Variants in ECE1 observed in about 807,000 individuals in gnomAD.
The protein encoded by ECE1 is endothelin-converting enzyme 1.
In ECE1, 35 loss-of-function variants were observed where a neutral mutation model predicts 98.6. The ratio of observed to expected loss-of-function variants is 0.35; its 90% CI spans 0.27 to 0.47. The LOEUF (loss-of-function observed/expected upper bound fraction) is 0.47, where lower values mean the gene tolerates loss of function less well. Among genes scored for constraint, ECE1 ranks in the 20% least tolerant of loss-of-function variants. The pLI is 1.00. For synonymous variants in ECE1, 394 were observed against 407.1 expected (o/e 0.97, Z 0.39); for missense variants, 814 against 1,025.3 (o/e 0.79, Z 2.81).
chr1:21,317,930 C>T (rs1638867365), intron 1 of ECE1, among the ~76,000 whole-genome samples: 1 of 152,170 alleles, frequency 6.6e-6, no homozygotes, highest in Non-Finnish European at 1.5e-5. Context: ...GGGGTGTGAC[C>T]CCAATGTTCT....
chr1:21,238,955 C>A (rs996569160), intron 10 of ECE1, among the ~76,000 whole-genome samples: 4 of 151,982 alleles, frequency 2.6e-5, no homozygotes, highest in African/African-American at 9.7e-5. Context: ...GCTGGGACAA[C>A]AGGTGCAGGC....
chr1:21,263,779 A>G (rs868369169), intron 4 of ECE1, among the ~76,000 whole-genome samples: 1 of 151,940 alleles, frequency 6.6e-6, no homozygotes, highest in African/African-American at 2.4e-5. Context: ...CCCACTGCCA[A>G]TGCTGGCTGG....
Position 21,218,135 on chromosome 1 carries a change from G to C in ECE1, c.*1820C>G, listed in dbSNP as rs1284544445. The C allele has an allele frequency of 6.6e-6, 1 of 152,342 alleles. No individual in the cohort carries two copies. The highest frequency in any genetic ancestry group is 2.4e-5 in the African/African-American group (1 of 41,464). 9.4% of individuals were successfully genotyped at this position (152,342 alleles called of 1,614,324 possible). The stretch of plus-strand genomic sequence containing the variant: ...GGAGAAGCTGTGGTCTCAGGGAGGA[G>C]ACAGACACCACAGGCCAGACTGGGT... On this transcript the variant is annotated 3_prime_UTR_variant, in exon 19 of 19. Transcript: ENST00000374893. The surrounding 1 kb of genome is among the most constrained non-coding windows in gnomAD (Gnocchi z 4.0).
At chr1:21,232,346 T>TG (rs1384321473) in intron 14 of ECE1, among the ~76,000 whole-genome samples, 8 of 152,092 alleles carry the variant, frequency 5.3e-5, no homozygotes, top group African/African-American at 1.9e-4. Flanking sequence ...TTGCCCAGGC[T>TG]GGAGTACAGT....
chr1:21,340,441 A>T lies in ECE1; in HGVS notation c.3+4935T>A, dbSNP rs1639377746. 6.6e-6 allele frequency among the ~76,000 whole-genome samples: 1 copy of T among 152,214 alleles called. No homozygotes were observed. The highest frequency in any genetic ancestry group is 2.4e-5 in the African/African-American group (1 of 41,452). ...CCAGGGCCACTTCAGGTGCCTCCTC[A>T]CTGGTTTCCCAGCCTTCGGCCTCAC... On this transcript the variant is annotated intron_variant, in intron 1 of 18. Coordinates refer to the ECE1 transcript ENST00000415912. The surrounding 1 kb of genome is among the most constrained non-coding windows in gnomAD (Gnocchi z 4.6).
At chr1:21,232,147 C>T (rs1302740171) in intron 14 of ECE1, among the ~76,000 whole-genome samples, 3 of 152,096 alleles carry the variant, frequency 2.0e-5, no homozygotes, top group Non-Finnish European at 2.9e-5. Context: ...CCCTATAGTC[C>T]ACCAGGGGGC....
intron 1 of ECE1, among the ~76,000 whole-genome samples, chr1:21,338,093 T>C (rs772482694): frequency 1.8e-4 from 28 of 152,178 alleles, no homozygotes; most frequent in Admixed American, 4.6e-4. Flanking sequence ...CATGGCCACA[T>C]AGCTCTGAGG....
intron 3 of ECE1, among the ~76,000 whole-genome samples, chr1:21,278,565 C>A (rs573332200): frequency 1.3e-5 from 2 of 152,236 alleles, no homozygotes; most frequent in African/African-American, 4.8e-5. Context: ...GCAAGTCACT[C>A]TATCTCAGTG....
chr1:21,310,573 A>C, intron 1 of ECE1, among the ~76,000 whole-genome samples: 1 of 152,138 alleles, frequency 6.6e-6, no homozygotes. Flanking sequence ...AAGAAAGGCA[A>C]AACAACCTGT....
Position 21,301,827 on chromosome 1 carries a change from GAAAAAAAAAAAA to G in ECE1, c.4-11683_4-11672del, listed in dbSNP as rs34861827. Among the ~76,000 whole-genome samples the G allele has an allele frequency of 1.6e-3, 54 of 33,944 alleles. 2 individuals are homozygous for G. Among genetic ancestry groups the G allele is most frequent in the African/African-American group, 4.6e-3 (45 of 9,852 alleles). The allele number at this position is 33,944 out of a possible 152,430, so 22.3% of individuals were successfully genotyped here. On this transcript the variant is annotated intron_variant, in intron 1 of 18. Coordinates refer to the ECE1 transcript ENST00000415912. The stretch of plus-strand genomic sequence containing the variant: ...GGTGACAGAGTGAGACCCTGTCTCA[GAAAAAAAAAAAA>G]AAAAAAAAAAAAAAAGGCCAATTCA...
rs904979095 is a variant in ECE1, at chr1:21,327,365, C to T, written c.3+18011G>A. On this transcript the variant is annotated intron_variant, in intron 1 of 18. Transcript: ENST00000415912. This position sits in a 1 kb window ranked among gnomAD's most constrained non-coding sequence, Gnocchi z 4.6. Reference sequence around the variant, plus strand: ...ATTTGTCAAAGCGACGGGCTGATCCCCTGCCCCACTCCAATCAATCACCAG... The same window carrying T: ...ATTTGTCAAAGCGACGGGCTGATCCTCTGCCCCACTCCAATCAATCACCAG... 1.3e-5 allele frequency among the ~76,000 whole-genome samples: 2 copies of T among 152,118 alleles called. No individual in the cohort carries two copies. Among genetic ancestry groups the T allele is most frequent in the Non-Finnish European group, 2.9e-5 (2 of 68,010 alleles).
intron 7 of ECE1, 55 bp downstream of exon 7, chr1:21,257,470 C>A: frequency 1.3e-6 from 2 of 1,594,464 alleles, no homozygotes; most frequent in South Asian, 2.2e-5. Flanking sequence ...GGTGTGGACA[C>A]GGAGCAGGAA....
intron 8 of ECE1, among the ~76,000 whole-genome samples, chr1:21,249,342 C>CA (rs984504006): frequency 1.5e-3 from 200 of 135,780 alleles, no homozygotes; most frequent in Non-Finnish European, 1.9e-3. Flanking sequence ...GACTCCATCT[C>CA]AAAAAAAAAA....
chr1:21,310,716 A>T (rs537160148), intron 1 of ECE1, among the ~76,000 whole-genome samples: 16 of 152,188 alleles, frequency 1.1e-4, no homozygotes, highest in Non-Finnish European at 2.1e-4. Context: ...CTGCCACTGG[A>T]CGATGAAGTC....
intron 1 of ECE1, among the ~76,000 whole-genome samples, chr1:21,343,609 C>A (rs1008194546): frequency 2.6e-5 from 4 of 152,342 alleles, no homozygotes; most frequent in Non-Finnish European, 4.4e-5. Flanking sequence ...TAAGTGTTAT[C>A]ATCTCATCTT....
At chr1:21,253,536 G>A (rs867665581) in intron 8 of ECE1, among the ~76,000 whole-genome samples, 40 of 151,464 alleles carry the variant, frequency 2.6e-4, no homozygotes, top group African/African-American at 9.4e-4. Context: ...GCCGAGGCGG[G>A]CAACTCACGA....
intron 1 of ECE1, among the ~76,000 whole-genome samples, chr1:21,311,142 T>G (rs561861981): frequency 1.2e-4 from 18 of 152,262 alleles, no homozygotes; most frequent in African/African-American, 4.3e-4. Flanking sequence ...AGGGACTTGA[T>G]GAATGGGGGC....
chr1:21,230,251 T>C (rs2098180023), intron 14 of ECE1, among the ~76,000 whole-genome samples: 1 of 152,178 alleles, frequency 6.6e-6, no homozygotes, highest in African/African-American at 2.4e-5. Context: ...ATAGTGCAAT[T>C]AACCTTTAAA....
chr1:21,323,930 T>G (rs1162067519), intron 1 of ECE1, among the ~76,000 whole-genome samples: 1 of 151,708 alleles, frequency 6.6e-6, no homozygotes, highest in African/African-American at 2.4e-5. Flanking sequence ...GCTATTTTCC[T>G]GCCTCAGCCT....
Sources: gnomAD v4.1 joint callset for allele counts (sites outside exome capture counted in the v4.1 genomes callset) on GRCh38, gnomAD v4.1.1 for gene constraint, Gnocchi (gnomAD v3.1) non-coding constraint, MANE v1.5 for transcripts, NCBI Gene and HGNC (gene_info 2026-07-23, HGNC 2026-07-21) for gene names.